Variants in TMC2 observed in about 807,000 individuals in gnomAD.
The protein encoded by TMC2 is transmembrane channel like 2.
In TMC2, 102 loss-of-function variants were observed where a neutral mutation model predicts 105.9. That is an observed-to-expected ratio of 0.96 (90% CI 0.82 to 1.14). The LOEUF is 1.14. Ranked by LOEUF, TMC2 falls within the 50% of genes most tolerant of loss-of-function variation. The probability of loss-of-function intolerance (pLI) is 0.00; values close to 1 mark genes in which losing one functional copy is unlikely to be tolerated. For synonymous variants in TMC2, 402 were observed against 422.8 expected, an observed-to-expected ratio of 0.95 and a Z score of 0.60; for missense variants, 1,093 against 1,134.3, an observed-to-expected ratio of 0.96 and a Z score of 0.52.
intron 7 of TMC2, among the ~76,000 whole-genome samples, chr20:2,582,042 A>G (rs1232999408): frequency 6.6e-6 from 1 of 152,058 alleles, no homozygotes; most frequent in Non-Finnish European, 1.5e-5. Context: ...GAAGGGAAGA[A>G]GGGAAATAGG....
chr20:2,554,860 C>T (rs1962346403), intron 2 of TMC2, among the ~76,000 whole-genome samples: 2 of 152,086 alleles, frequency 1.3e-5, no homozygotes, highest in South Asian at 4.1e-4. Context: ...AGCATATGGT[C>T]TATTTTGGTG....
In TMC2 at chr20:2,558,295, C is replaced by T; in HGVS notation, c.83-161C>T. The stretch of plus-strand genomic sequence containing the variant: ...TTAGTTTCCTTCAGCTTAAAATACT[C>T]AACATGCCAAGGTGCCATACTTTGG... On this transcript the variant is annotated intron_variant, in intron 2 of 19. Transcript: ENST00000358864. The surrounding 1 kb of genome is among the most constrained non-coding windows in gnomAD (Gnocchi z 4.6). The T allele has an allele frequency of 7.0e-7, 1 of 1,438,586 alleles. No individual in the cohort carries two copies. The highest frequency in any genetic ancestry group is 9.2e-7 in the Non-Finnish European group (1 of 1,090,998). 89.1% of individuals were successfully genotyped at this position (1,438,586 alleles called of 1,614,324 possible).
intron 16 of TMC2, chr20:2,618,253 G>A (rs2086499703): frequency 6.6e-6 from 1 of 152,634 alleles, no homozygotes; most frequent in Non-Finnish European, 1.5e-5. Flanking sequence ...ATGTGAGTAA[G>A]AAAATGCAAT....
chr20:2,545,869 G>A (rs1490469879), intron 2 of TMC2, among the ~76,000 whole-genome samples: 8 of 127,844 alleles, frequency 6.3e-5, no homozygotes, highest in African/African-American at 1.2e-4. Flanking sequence ...GAAAGAAAAA[G>A]AAAGAAAGAA....
At chr20:2,594,226 T>C (rs1203323652) in intron 8 of TMC2, among the ~76,000 whole-genome samples, 1 of 104,600 alleles carries the variant, frequency 9.6e-6, no homozygotes, top group Non-Finnish European at 2.1e-5. Flanking sequence ...TAAGGATTCC[T>C]TTTTTTTTTT....
chr20:2,580,758 T>C (rs978473440), intron 7 of TMC2, among the ~76,000 whole-genome samples: 10 of 152,138 alleles, frequency 6.6e-5, no homozygotes, highest in Admixed American at 4.6e-4. Flanking sequence ...CCAGATATAA[T>C]CTTATTATGG....
intron 7 of TMC2, among the ~76,000 whole-genome samples, chr20:2,590,771 T>C (rs1414999480): frequency 6.6e-6 from 1 of 152,090 alleles, no homozygotes; most frequent in African/African-American, 2.4e-5. Flanking sequence ...AATGATTTTA[T>C]GAAAAACTAC....
chr20:2,636,002 G>C lies in TMC2; in HGVS notation c.2383G>C (p.Val795Leu), dbSNP rs748558479. The C allele has an allele frequency of 1.9e-6, 3 of 1,613,728 alleles. No homozygotes were observed. Among genetic ancestry groups the C allele is most frequent in the Non-Finnish European group, 2.5e-6 (3 of 1,179,598 alleles). The change falls in exon 18 of 20, where the codon GTG becomes CTG. Residue 795 changes from valine (V) to leucine (L), a missense_variant and splice_region_variant. Val to Leu is a conservative substitution (Grantham distance 32). Transcript: ENST00000358864. ...TGCCCAGCTGAGGAAGAAAATCCAA[G>C]TGGTGAGTCTGTTGGGAGTTTCATC... is the stretch of plus-strand genomic sequence containing the variant. ...ANAQLRKKIQ[V>L]LREVEKSHKS...
At chr20:2,610,278 A>T in intron 11 of TMC2, 141 bp from the exon 12 acceptor site, 1 of 681,692 alleles carries the variant, frequency 1.5e-6, no homozygotes, top group Non-Finnish European at 2.4e-6. Flanking sequence ...TCACACAGCA[A>T]GCTGTGTAGA....
chr20:2,592,194 A>G lies in TMC2; in HGVS notation c.835-116A>G. On this transcript the variant is annotated intron_variant, in intron 7 of 19. Coordinates refer to ENST00000358864, the MANE Select transcript of TMC2 (RefSeq NM_080751.3). This position sits in a 1 kb window ranked among gnomAD's most constrained non-coding sequence, Gnocchi z 4.9. ...ATTAAATTAATAAATACATAAAGAA[A>G]GAAGAAAATAGGTGTATTCCGCTCT... 1.6e-6 allele frequency: 1 copy of G among 619,284 alleles called. No homozygotes were observed. Among genetic ancestry groups the G allele is most frequent in the African/African-American group, 1.9e-5 (1 of 53,794 alleles). 38.4% of individuals were successfully genotyped at this position (619,284 alleles called of 1,614,324 possible).
At chr20:2,591,711 A>T (rs1451135799) in intron 7 of TMC2, among the ~76,000 whole-genome samples, 1 of 152,160 alleles carries the variant, frequency 6.6e-6, no homozygotes, top group Non-Finnish European at 1.5e-5. Flanking sequence ...CTGTCTCAAA[A>T]AAGAAAGAAA....
At chr20:2,628,475 C>G (rs945289778) in intron 17 of TMC2, among the ~76,000 whole-genome samples, 5 of 152,140 alleles carry the variant, frequency 3.3e-5, no homozygotes, top group African/African-American at 9.7e-5. Flanking sequence ...GTGCCCCCAT[C>G]CACATTTCAT....
At chr20:2,581,976 A>T (rs903076966) in intron 7 of TMC2, among the ~76,000 whole-genome samples, 1 of 151,286 alleles carries the variant, frequency 6.6e-6, no homozygotes, top group Non-Finnish European at 1.5e-5. Context: ...GGTTGAGAGT[A>T]AGAGAGAGAG....
chr20:2,584,408 C>T (rs922087805), intron 7 of TMC2, among the ~76,000 whole-genome samples: 3 of 142,382 alleles, frequency 2.1e-5, no homozygotes, highest in African/African-American at 5.6e-5. Context: ...CCCGCCACTG[C>T]ACTCCAGCCT....
intron 4 of TMC2, among the ~76,000 whole-genome samples, chr20:2,564,573 A>C (rs6083683): frequency 0.4 from 60,792 of 152,048 alleles, 13,808 homozygotes; most frequent in South Asian, 0.57. Context: ...AGGTGTCACC[A>C]GAACACATCT....
At chr20:2,599,488 C>T (rs1042237052) in intron 10 of TMC2, among the ~76,000 whole-genome samples, 22 of 149,764 alleles carry the variant, frequency 1.5e-4, no homozygotes, top group African/African-American at 5.2e-4. Context: ...ACTTTGCCCC[C>T]GTGATTGTAA....
intron 12 of TMC2, 105 bp from the exon 13 acceptor site, chr20:2,612,086 G>A: frequency 8.5e-7 from 1 of 1,177,332 alleles, no homozygotes. Flanking sequence ...GAGAGCAGAA[G>A]CTAGATGGTA....
At chr20:2,639,097 A>G (rs1220554920) in intron 19 of TMC2, among the ~76,000 whole-genome samples, 1 of 152,142 alleles carries the variant, frequency 6.6e-6, no homozygotes, top group Non-Finnish European at 1.5e-5. Flanking sequence ...GGGTTTCACC[A>G]TGTTGGCCAG....
At chr20:2,606,740 T>C (rs184112749) in intron 11 of TMC2, among the ~76,000 whole-genome samples, 5 of 152,002 alleles carry the variant, frequency 3.3e-5, no homozygotes, top group Non-Finnish European at 5.9e-5. Flanking sequence ...TGTTTTCTCC[T>C]GAATCCTATT....
Sources: gnomAD v4.1 joint callset for allele counts (sites outside exome capture counted in the v4.1 genomes callset) on GRCh38, gnomAD v4.1.1 for gene constraint, Gnocchi (gnomAD v3.1) non-coding constraint, MANE v1.5 for transcripts, NCBI Gene and HGNC (gene_info 2026-07-23, HGNC 2026-07-21) for gene names.